Variants in CYP20A1 observed in about 807,000 individuals in gnomAD.
CYP20A1 encodes cytochrome P450 family 20 subfamily A member 1, also known as cytochrome P450 20A1.
CYP20A1 carries 61 observed loss-of-function variants against 61.4 expected under a neutral mutation model. That is an observed-to-expected ratio of 0.99 (90% CI 0.81 to 1.23). The LOEUF (loss-of-function observed/expected upper bound fraction) is 1.23, where lower values mean the gene tolerates loss of function less well. CYP20A1 is among the 50% of genes most tolerant of loss of function. The pLI is 0.00. For missense variants in CYP20A1, 530 were observed against 542.4 expected (o/e 0.98, Z 0.23); for synonymous variants, 193 against 188.2 (o/e 1.03, Z -0.21).
At chr2:203,286,122 A>C (rs1348843060) in intron 9 of CYP20A1, among the ~76,000 whole-genome samples, 1 of 152,166 alleles carries the variant, frequency 6.6e-6, no homozygotes, top group East Asian at 1.9e-4. Flanking sequence ...AGCTTGGGCA[A>C]CACGGAAATG....
intron 8 of CYP20A1, 41 bp downstream of exon 8, chr2:203,280,154 T>G (rs2067984525): frequency 6.6e-7 from 1 of 1,510,500 alleles, no homozygotes; most frequent in Non-Finnish European, 9.1e-7. Flanking sequence ...AATTACTAAA[T>G]ATATAGGCTG....
At chr2:203,279,970 C>A in intron 7 of CYP20A1, 89 bp from the exon 8 acceptor site, 1 of 798,010 alleles carries the variant, frequency 1.3e-6, no homozygotes. Flanking sequence ...TTCATTGACA[C>A]TAATTTTATG....
chr2:203,250,624 A>G (rs575925532), intron 3 of CYP20A1, among the ~76,000 whole-genome samples: 6 of 152,166 alleles, frequency 3.9e-5, no homozygotes, highest in Admixed American at 6.5e-5. Context: ...GCTCCTATGG[A>G]GTTTCTAGGC....
chr2:203,266,581 A>C lies in CYP20A1; in HGVS notation c.500A>C (p.His167Pro). The C allele has an allele frequency of 2.5e-6, 4 of 1,614,074 alleles. No homozygotes were observed. Among genetic ancestry groups the C allele is most frequent in the Non-Finnish European group, 3.4e-6 (4 of 1,179,960 alleles). ...ACCCAGCACGTGCCCCTCAGCCAGC[A>C]TATGCTTGGTTTTGCTATGAAGTCT... Reference protein sequence around the residue: ...PETQHVPLSQHMLGFAMKSVT... With the variant: ...PETQHVPLSQPMLGFAMKSVT... The change falls in exon 5 of 13, where the codon CAT (histidine) becomes CCT (proline). Residue 167 changes from histidine (H) to proline (P), a missense_variant. Transcript: ENST00000356079.
chr2:203,295,188 G>A (rs1486607319), intron 11 of CYP20A1, among the ~76,000 whole-genome samples: 2 of 149,162 alleles, frequency 1.3e-5, no homozygotes, highest in African/African-American at 2.5e-5. Flanking sequence ...TTCGTGATCC[G>A]CCTGCCTCGG....
intron 9 of CYP20A1, among the ~76,000 whole-genome samples, chr2:203,287,573 G>A (rs1338934828): frequency 6.6e-6 from 1 of 152,022 alleles, no homozygotes; most frequent in African/African-American, 2.4e-5. Context: ...AGACATAAAG[G>A]CATGTGCCTA....
chr2:203,240,817 C>T (rs1280386642), intron 1 of CYP20A1, among the ~76,000 whole-genome samples: 5 of 152,112 alleles, frequency 3.3e-5, no homozygotes, highest in Admixed American at 2.6e-4. Context: ...ACTTGTAAGG[C>T]TTTTTTAATG....
intron 3 of CYP20A1, among the ~76,000 whole-genome samples, chr2:203,250,545 C>T (rs1392636732): frequency 6.6e-6 from 1 of 152,044 alleles, no homozygotes; most frequent in African/African-American, 2.4e-5. Context: ...CTTTTAATTA[C>T]TAGGCTTTAT....
chr2:203,239,572 A>G (rs1489543299), intron 1 of CYP20A1, among the ~76,000 whole-genome samples: 1 of 152,206 alleles, frequency 6.6e-6, no homozygotes, highest in African/African-American at 2.4e-5. Flanking sequence ...GGATTCTCCC[A>G]GCACTTGTGT....
intron 3 of CYP20A1, among the ~76,000 whole-genome samples, chr2:203,250,632 G>C (rs1318805388): frequency 6.6e-6 from 1 of 152,198 alleles, no homozygotes; most frequent in African/African-American, 2.4e-5. Flanking sequence ...GGAGTTTCTA[G>C]GCTAATGTTG....
intron 1 of CYP20A1, 98 bp downstream of exon 1, chr2:203,239,232 G>C: frequency 9.7e-7 from 1 of 1,027,964 alleles, no homozygotes; most frequent in Non-Finnish European, 1.5e-6. Flanking sequence ...CGCAGGGGGC[G>C]GGCCTGAGAG....
intron 11 of CYP20A1, among the ~76,000 whole-genome samples, chr2:203,294,919 A>G (rs1171891465): frequency 7.3e-6 from 1 of 137,002 alleles, no homozygotes; most frequent in African/African-American, 2.8e-5. Context: ...GCCTTGAGCC[A>G]CTGTGCCCAG....
In CYP20A1 at chr2:203,299,559, AT is replaced by A. The variant is rs1159487374; in HGVS notation, c.*2659del. 6.6e-6 allele frequency among the ~76,000 whole-genome samples: 1 copy of A among 151,930 alleles called. No individual in the cohort carries two copies. Among genetic ancestry groups the A allele is most frequent in the Non-Finnish European group, 1.5e-5 (1 of 67,964 alleles). On this transcript the variant is annotated 3_prime_UTR_variant, in exon 13 of 13. Transcript: ENST00000356079. ...GCAGTCTGTATTTTTGAAAAAAAAA[AT>A]TTTTTTTGGAATAACTTAAATTCTA...
intron 11 of CYP20A1, among the ~76,000 whole-genome samples, chr2:203,294,932 T>A (rs2152113931): frequency 1.4e-5 from 1 of 71,680 alleles, no homozygotes; most frequent in South Asian, 6.9e-4. Flanking sequence ...GTGCCCAGCC[T>A]TTAAAAAAAT....
At chr2:203,291,469 C>T (rs2068527741) in intron 10 of CYP20A1, among the ~76,000 whole-genome samples, 1 of 152,124 alleles carries the variant, frequency 6.6e-6, no homozygotes, top group South Asian at 2.1e-4. Context: ...ATGAATCTTG[C>T]TTTTCTCTGA....
intron 4 of CYP20A1, among the ~76,000 whole-genome samples, chr2:203,252,331 G>C (rs2066721741): frequency 1.3e-5 from 2 of 151,674 alleles, no homozygotes; most frequent in Admixed American, 1.3e-4. Context: ...TTGGAATGAT[G>C]AGAGTAGAGA....
chr2:203,300,612 G>A lies in CYP20A1; in HGVS notation c.*3704G>A, dbSNP rs1461748229. Among the ~76,000 whole-genome samples the A allele has an allele frequency of 1.3e-5, 2 of 151,994 alleles. No individual in the cohort carries two copies. Among genetic ancestry groups the A allele is most frequent in the Admixed American group, 1.3e-4 (2 of 15,236 alleles). On this transcript the variant is annotated 3_prime_UTR_variant, in exon 13 of 13. Coordinates refer to ENST00000356079, the MANE Select transcript of CYP20A1 (RefSeq NM_177538.3). ...ATTGTTAAAAAACATAAGCATGGCC[G>A]GGCACAGTGGCTCACACCTGTAATC... is the stretch of plus-strand genomic sequence containing the variant.
chr2:203,263,993 G>A (rs1049903780), intron 4 of CYP20A1, among the ~76,000 whole-genome samples: 1 of 151,818 alleles, frequency 6.6e-6, no homozygotes, highest in Non-Finnish European at 1.5e-5. Context: ...TTTTTGTGTG[G>A]GGGGCGTGGG....
Position 203,300,395 on chromosome 2 carries a change from T to A in CYP20A1, c.*3487T>A, listed in dbSNP as rs1193191740. Among the ~76,000 whole-genome samples, 1 of 152,232 alleles carries A rather than the reference T, an allele frequency of 6.6e-6. No individual in the cohort carries two copies. Among genetic ancestry groups the A allele is most frequent in the Non-Finnish European group, 1.5e-5 (1 of 68,036 alleles). On this transcript the variant is annotated 3_prime_UTR_variant, in exon 13 of 13. Coordinates refer to ENST00000356079, the MANE Select transcript of CYP20A1 (RefSeq NM_177538.3). ...CAAAAATCTGTGTTCTTTGTACTTA[T>A]CAAGTGACTCAAATTTTGGCCACTT...
Sources: allele counts gnomAD v4.1 joint callset (sites outside exome capture counted in the v4.1 genomes callset), GRCh38; gene constraint gnomAD v4.1.1; transcripts MANE v1.5; gene names NCBI Gene and HGNC (gene_info 2026-07-23, HGNC 2026-07-21).